TRPS1: variants seen among roughly 807,000 people sequenced by gnomAD.
TRPS1 encodes the protein transcriptional repressor GATA binding 1, also known as zinc finger transcription factor Trps1.
Under a neutral mutation model 101.2 loss-of-function variants are expected in TRPS1, and 6 were observed. The ratio of observed to expected loss-of-function variants is 0.06; its 90% CI spans 0.03 to 0.12. TRPS1 has a LOEUF of 0.12. Among genes scored for constraint, TRPS1 ranks in the 10% least tolerant of loss-of-function variants. The pLI is 1.00. For missense variants in TRPS1, 1,363 were observed against 1,567.0 expected (o/e 0.87, Z 2.20); for synonymous variants, 578 against 589.8 (o/e 0.98, Z 0.29).
chr8:115,605,070 G>A (rs1286934831), intron 3 of TRPS1, 68 bp from the exon 4 acceptor site: 5 of 1,465,230 alleles, frequency 3.4e-6, no homozygotes, highest in Non-Finnish European at 4.7e-6. Context: ...CTGCAGGGGA[G>A]GGGGAGGGTA....
intron 5 of TRPS1, among the ~76,000 whole-genome samples, chr8:115,433,838 T>C (rs1408091636): frequency 6.6e-6 from 1 of 152,094 alleles, no homozygotes; most frequent in Non-Finnish European, 1.5e-5. Context: ...TTACAAGAGG[T>C]GGAGGCATTT....
At chr8:115,667,804 C>T in intron 1 of TRPS1, 1 of 1,528,362 alleles carries the variant, frequency 6.5e-7, no homozygotes, top group Non-Finnish European at 8.8e-7. Flanking sequence ...GTGCTGTTTT[C>T]CCACTTTGGA....
At chr8:115,451,976 T>A (rs1208062023) in intron 5 of TRPS1, among the ~76,000 whole-genome samples, 2 of 152,178 alleles carry the variant, frequency 1.3e-5, no homozygotes, top group Non-Finnish European at 2.9e-5. Flanking sequence ...CAACCCCCAC[T>A]TCTAAAACTT....
chr8:115,493,569 G>A lies in TRPS1; in HGVS notation c.2701-75117C>T, dbSNP rs55662786. ...TCTCCATGTTGGTCAGGCTGGTCCCGAACTCCTGACCTCAAGTGATCCACC... is the reference window on the plus strand; with the variant it reads ...TCTCCATGTTGGTCAGGCTGGTCCCAAACTCCTGACCTCAAGTGATCCACC... On this transcript the variant is annotated intron_variant, in intron 5 of 6. Coordinates refer to ENST00000395715, the MANE Select transcript of TRPS1 (RefSeq NM_014112.5). Among the ~76,000 whole-genome samples, 661 of 151,862 alleles carry A rather than the reference G, an allele frequency of 4.4e-3. 7 individuals are homozygous for A. Among genetic ancestry groups the A allele is most frequent in the African/African-American group, 0.015 (632 of 41,392 alleles).
At position 115,476,308 on chromosome 8, in the gene TRPS1, C is replaced by T. The variant is rs1389411496; in HGVS notation, c.2701-57856G>A. On this transcript the variant is annotated intron_variant, in intron 5 of 6. Coordinates refer to ENST00000395715, the MANE Select transcript of TRPS1 (RefSeq NM_014112.5). ...TGCTGGGATTACAGGCGTGAGCCAC[C>T]GCGCCCGGCCCAGAAAATATACTTT... 2.7e-4 allele frequency among the ~76,000 whole-genome samples: 5 copies of T among 18,386 alleles called. 2 individuals carry two copies. The highest frequency in any genetic ancestry group is 3.7e-4 in the Non-Finnish European group (5 of 13,482). The allele number at this position is 18,386 out of a possible 152,430, so 12.1% of individuals were successfully genotyped here. A position where few individuals can be genotyped will look rare whatever the true frequency, so the allele number is the denominator to read the frequency against.
chr8:115,507,563 C>T (rs540525108), intron 5 of TRPS1, among the ~76,000 whole-genome samples: 19 of 152,072 alleles, frequency 1.2e-4, no homozygotes, highest in African/African-American at 4.3e-4. Context: ...AACTTTATCC[C>T]GGACCACAGA....
Position 115,604,977 on chromosome 8 carries a change from C to T in TRPS1, c.992G>A (p.Gly331Asp), listed in dbSNP as rs1818004025. 1.2e-6 allele frequency: 2 copies of T among 1,613,702 alleles called. No individual in the cohort carries two copies. Among genetic ancestry groups the T allele is most frequent in the Non-Finnish European group, 1.7e-6 (2 of 1,179,916 alleles). ...GCAATCTGGTGTTTTCCGTCCAATG[C>T]CAATGAATGTTCCACCTGAAGTCAC... Reference protein sequence around the residue: ...VQVTSGGTFIGIGRKTPDCQG... With the variant: ...VQVTSGGTFIDIGRKTPDCQG... The change falls in exon 4 of 7, where the codon GGC (glycine) becomes GAC (aspartate). Residue 331 changes from glycine to aspartate, a missense_variant. Physicochemically the swap from Gly to Asp is moderately conservative, Grantham distance 94. Around this residue, in one of 5 missense-constraint regions of TRPS1, gnomAD observed 1,020 missense variants for 1,073.0 expected, o/e 0.95. Transcript: ENST00000395715. This position sits in a 1 kb window ranked among gnomAD's most constrained non-coding sequence, Gnocchi z 4.1.
rs1326667083 is a variant in TRPS1 at position 115,604,349 on chromosome 8, G to C, written c.1620C>G (p.Phe540Leu). The C allele has an allele frequency of 1.2e-6, 2 of 1,614,040 alleles. No individual in the cohort carries two copies. Among genetic ancestry groups the C allele is most frequent in the African/African-American group, 1.3e-5 (1 of 75,004 alleles). The change falls in exon 4 of 7, where the codon TTC (phenylalanine) becomes TTG (leucine). Residue 540 changes from phenylalanine to leucine, a missense_variant. By Grantham distance (22) the Phe-to-Leu change is conservative. Coordinates refer to ENST00000395715, the MANE Select transcript of TRPS1 (RefSeq NM_014112.5). This position sits in a 1 kb window ranked among gnomAD's most constrained non-coding sequence, Gnocchi z 4.1. The part of the protein sequence containing the change: ...DNMVTSYNCQ[F>L]CDFRYSKSHG... ...GGCTTTTGGAATATCGGAAGTCACAGAACTGACAATTATAGCTCGTTACCA... is the reference window on the plus strand; with the variant it reads ...GGCTTTTGGAATATCGGAAGTCACACAACTGACAATTATAGCTCGTTACCA...
rs889462271 is a variant in TRPS1, at chr8:115,411,005, T to C, written c.*3018A>G. ...AAATTTTATAATATATCTTGAGAGA[T>C]GGAATAAAGGCTTTAATATGTCAAA... On this transcript the variant is annotated 3_prime_UTR_variant, in exon 7 of 7. Transcript: ENST00000395715. 2 of 151,760 alleles carry C rather than the reference T, an allele frequency of 1.3e-5. No homozygotes were observed. Among genetic ancestry groups the C allele is most frequent in the Admixed American group, 6.6e-5 (1 of 15,204 alleles). 9.4% of individuals were successfully genotyped at this position (151,760 alleles called of 1,614,324 possible).
intron 5 of TRPS1, among the ~76,000 whole-genome samples, chr8:115,503,342 G>A (rs564256560): frequency 1.0e-3 from 151 of 151,384 alleles, no homozygotes; most frequent in South Asian, 7.1e-3. Flanking sequence ...ACTGTCCAGG[G>A]CTAGCTGTCA....
intron 5 of TRPS1, among the ~76,000 whole-genome samples, chr8:115,562,988 C>T (rs536296169): frequency 1.6e-3 from 245 of 151,032 alleles, no homozygotes; most frequent in Non-Finnish European, 2.8e-3. Context: ...GGTTGCTGAT[C>T]ACCTAAGGCA....
At chr8:115,608,572 G>A (rs1486596882) in intron 3 of TRPS1, among the ~76,000 whole-genome samples, 1 of 147,176 alleles carries the variant, frequency 6.8e-6, no homozygotes, top group Non-Finnish European at 1.5e-5. Flanking sequence ...TTAACCTCTT[G>A]GAACCTTAGT....
chr8:115,463,250 G>A (rs1031490052), intron 5 of TRPS1, among the ~76,000 whole-genome samples: 1 of 152,090 alleles, frequency 6.6e-6, no homozygotes, highest in South Asian at 2.1e-4. Context: ...CCGTGACTAC[G>A]ATTCCTCTTA....
At chr8:115,573,290 C>G (rs138284220) in intron 5 of TRPS1, among the ~76,000 whole-genome samples, 1 of 152,110 alleles carries the variant, frequency 6.6e-6, no homozygotes, top group South Asian at 2.1e-4. Flanking sequence ...GGAGAAAATA[C>G]AGCATCTATA....
At chr8:115,611,304 T>G (rs1818158648) in intron 3 of TRPS1, among the ~76,000 whole-genome samples, 1 of 152,108 alleles carries the variant, frequency 6.6e-6, no homozygotes, top group South Asian at 2.1e-4. Flanking sequence ...GCACATGTAT[T>G]CTAAAGAGCA....
intron 5 of TRPS1, among the ~76,000 whole-genome samples, chr8:115,433,846 T>G (rs1195786496): frequency 6.6e-6 from 1 of 152,164 alleles, no homozygotes; most frequent in African/African-American, 2.4e-5. Flanking sequence ...GGTGGAGGCA[T>G]TTGCCGGGGA....
intron 1 of TRPS1, among the ~76,000 whole-genome samples, chr8:115,645,967 C>A (rs187427006): frequency 6.6e-6 from 1 of 152,100 alleles, no homozygotes; most frequent in Non-Finnish European, 1.5e-5. Flanking sequence ...TCTACAATAG[C>A]TGACGGCTAG....
intron 5 of TRPS1, among the ~76,000 whole-genome samples, chr8:115,437,578 C>A (rs1272493127): frequency 6.6e-6 from 1 of 152,108 alleles, no homozygotes; most frequent in Non-Finnish European, 1.5e-5. Context: ...TTCCCATTGG[C>A]ACATACGTCA....
intron 1 of TRPS1, among the ~76,000 whole-genome samples, chr8:115,651,781 G>A (rs953083626): frequency 6.6e-6 from 1 of 152,146 alleles, no homozygotes; most frequent in African/African-American, 2.4e-5. Flanking sequence ...TGCGTAGAAG[G>A]CATTTCATAA....
Sources: gnomAD v4.1 joint callset for allele counts (sites outside exome capture counted in the v4.1 genomes callset) on GRCh38, gnomAD v4.1.1 for gene constraint, gnomAD v4.1.1 regional missense constraint, Gnocchi (gnomAD v3.1) non-coding constraint, MANE v1.5 for transcripts, NCBI Gene and HGNC (gene_info 2026-07-23, HGNC 2026-07-21) for gene names.